PITPNC1: variants seen among roughly 807,000 people sequenced by gnomAD.
PITPNC1 encodes the protein cytoplasmic phosphatidylinositol transfer protein 1.
Under a neutral mutation model 44.7 loss-of-function variants are expected in PITPNC1, and 18 were observed. The ratio of observed to expected loss-of-function variants is 0.40; its 90% CI spans 0.28 to 0.60. The LOEUF (loss-of-function observed/expected upper bound fraction) is 0.60, where lower values mean the gene tolerates loss of function less well. Among genes scored for constraint, PITPNC1 ranks in the 20% least tolerant of loss-of-function variants. The pLI is 0.39. For synonymous variants in PITPNC1, 141 were observed against 149.6 expected (o/e 0.94, Z 0.42); for missense variants, 290 against 418.4 (o/e 0.69, Z 2.68).
intron 1 of PITPNC1, among the ~76,000 whole-genome samples, chr17:67,475,098 C>T (rs756980525): frequency 2.0e-5 from 3 of 152,288 alleles, no homozygotes; most frequent in African/African-American, 7.2e-5. Flanking sequence ...TTGGGAATAG[C>T]GGATGGTCCT....
intron 5 of PITPNC1, among the ~76,000 whole-genome samples, chr17:67,601,807 C>T (rs1439711799): frequency 6.6e-6 from 1 of 151,660 alleles, no homozygotes; most frequent in Non-Finnish European, 1.5e-5. Flanking sequence ...CCCCGGGAAG[C>T]CAGAAAGTGA....
At chr17:67,438,235 C>T (rs574078925) in intron 1 of PITPNC1, among the ~76,000 whole-genome samples, 17 of 152,236 alleles carry the variant, frequency 1.1e-4, no homozygotes, top group African/African-American at 2.4e-4. Context: ...ACCATCATTC[C>T]GCTGTGTGCC....
chr17:67,379,676 T>C (rs964729195), intron 1 of PITPNC1, among the ~76,000 whole-genome samples: 1 of 152,150 alleles, frequency 6.6e-6, no homozygotes, highest in African/African-American at 2.4e-5. Flanking sequence ...GACTGGTTAA[T>C]AGGAGTCTTT....
chr17:67,402,997 T>C (rs2038342546), intron 1 of PITPNC1, among the ~76,000 whole-genome samples: 1 of 152,138 alleles, frequency 6.6e-6, no homozygotes, highest in Non-Finnish European at 1.5e-5. Flanking sequence ...GCTTCTGTTA[T>C]ATCTGTATTA....
intron 1 of PITPNC1, among the ~76,000 whole-genome samples, chr17:67,429,557 G>C (rs1437641833): frequency 3.9e-5 from 6 of 152,120 alleles, no homozygotes; most frequent in Non-Finnish European, 8.8e-5. Flanking sequence ...AATTAGCTGG[G>C]CGTGGTGGCG....
chr17:67,523,325 G>A (rs1203795583), intron 1 of PITPNC1, among the ~76,000 whole-genome samples: 1 of 152,144 alleles, frequency 6.6e-6, no homozygotes, highest in African/African-American at 2.4e-5. Flanking sequence ...CAAGTATATG[G>A]CAGATGCCTC....
chr17:67,527,878 G>T (rs2040410848), intron 1 of PITPNC1, among the ~76,000 whole-genome samples: 1 of 152,140 alleles, frequency 6.6e-6, no homozygotes, highest in African/African-American at 2.4e-5. Flanking sequence ...GCACACTTCT[G>T]TAGTCCCAGC....
intron 4 of PITPNC1, among the ~76,000 whole-genome samples, chr17:67,560,956 TTTC>T (rs1346026954): frequency 6.6e-6 from 1 of 152,220 alleles, no homozygotes; most frequent in Non-Finnish European, 1.5e-5. Context: ...AAATTCTCCT[TTTC>T]TTCTTTTTTG....
At position 67,494,201 on chromosome 17, in the gene PITPNC1, C is replaced by CTTTCTT. The variant is rs1568012944; in HGVS notation, c.49-38599_49-38594dup. Among the ~76,000 whole-genome samples the CTTTCTT allele has an allele frequency of 2.8e-4, 41 of 145,800 alleles. 1 individual carries two copies. The highest frequency in any genetic ancestry group is 9.6e-4 in the African/African-American group (37 of 38,356). ...TTTCTTTCTTTTTCTTTCTTTCTTT[C>CTTTCTT]TTTCTTTCTTTCTTTTTGAGACGTA... On this transcript the variant is annotated intron_variant, in intron 1 of 8. Coordinates refer to ENST00000581322, the MANE Select transcript of PITPNC1 (RefSeq NM_012417.4).
At chr17:67,580,697 C>G (rs1284230276) in intron 5 of PITPNC1, among the ~76,000 whole-genome samples, 1 of 152,154 alleles carries the variant, frequency 6.6e-6, no homozygotes, top group Non-Finnish European at 1.5e-5. Flanking sequence ...CTTGCTTTCT[C>G]TCTTTTTCTC....
intron 1 of PITPNC1, among the ~76,000 whole-genome samples, chr17:67,470,664 G>T (rs1248889371): frequency 6.6e-6 from 1 of 152,072 alleles, no homozygotes; most frequent in Admixed American, 6.5e-5. Flanking sequence ...GGGAAGTGAG[G>T]AGCCCCTCTG....
intron 5 of PITPNC1, among the ~76,000 whole-genome samples, chr17:67,599,010 ATATATATATATATATATATATATATTTTT>A (rs2041497337): frequency 4.9e-5 from 1 of 20,480 alleles, no homozygotes; most frequent in Non-Finnish European, 1.4e-4. Flanking sequence ...ACATATATAT[ATATATATATATATATATATATATATTTTT>A]TTTTTTTTTT....
At chr17:67,596,706 C>T (rs1439159902) in intron 5 of PITPNC1, among the ~76,000 whole-genome samples, 6 of 152,040 alleles carry the variant, frequency 3.9e-5, no homozygotes, top group African/African-American at 1.2e-4. Flanking sequence ...TCGATTTGCT[C>T]ATGTTGTTCC....
At chr17:67,509,133 C>T (rs2040146105) in intron 1 of PITPNC1, among the ~76,000 whole-genome samples, 1 of 151,708 alleles carries the variant, frequency 6.6e-6, no homozygotes, top group Admixed American at 6.6e-5. Context: ...ACTCAGGAGC[C>T]TGAGGCAGGA....
intron 1 of PITPNC1, among the ~76,000 whole-genome samples, chr17:67,451,085 G>T (rs761366356): frequency 3.3e-5 from 5 of 152,174 alleles, no homozygotes; most frequent in Non-Finnish European, 7.3e-5. Flanking sequence ...AGGCTGGAGT[G>T]CAGTGGCACG....
rs2043010159 is a variant in PITPNC1 at position 67,696,283 on chromosome 17, G to A, written c.*3395G>A. 1 of 152,100 alleles carries A rather than the reference G, an allele frequency of 6.6e-6. No homozygotes were observed. 9.4% of individuals were successfully genotyped at this position (152,100 alleles called of 1,614,324 possible). A position where few individuals can be genotyped will look rare whatever the true frequency, so the allele number is the denominator to read the frequency against. ...AAGAGAATAGATTCTGATACATCTC[G>A]ATAAATCATTCTCTGCAAAAGTTTC... On this transcript the variant is annotated 3_prime_UTR_variant, in exon 9 of 9. Coordinates refer to ENST00000581322, the MANE Select transcript of PITPNC1 (RefSeq NM_012417.4).
chr17:67,543,359 G>A (rs1390846182), intron 2 of PITPNC1, among the ~76,000 whole-genome samples: 1 of 152,148 alleles, frequency 6.6e-6, no homozygotes, highest in East Asian at 1.9e-4. Context: ...CCAAGCCCTG[G>A]GCTACCAGTG....
At chr17:67,613,217 A>T (rs895153441) in intron 5 of PITPNC1, 3 of 152,170 alleles carry the variant, frequency 2.0e-5, no homozygotes, top group African/African-American at 4.8e-5. Flanking sequence ...GTAGGATAAC[A>T]CCCAAGTTTT....
chr17:67,693,098 A>G lies in PITPNC1; in HGVS notation c.*210A>G. The G allele has an allele frequency of 1.9e-6, 1 of 536,554 alleles. No individual in the cohort carries two copies. Among genetic ancestry groups the G allele is most frequent in the South Asian group, 2.7e-5 (1 of 36,414 alleles). The allele number at this position is 536,554 out of a possible 1,614,324, so 33.2% of individuals were successfully genotyped here. A position where few individuals can be genotyped will look rare whatever the true frequency, so the allele number is the denominator to read the frequency against. On this transcript the variant is annotated 3_prime_UTR_variant, in exon 9 of 9. Transcript: ENST00000581322. ...ATTAGATGTAAGATGTAAGACTTGC[A>G]AAGGACAGAAGGAATCTTCTGTAAC...
Sources: allele counts gnomAD v4.1 joint callset (sites outside exome capture counted in the v4.1 genomes callset), GRCh38; gene constraint gnomAD v4.1.1; transcripts MANE v1.5; gene names NCBI Gene and HGNC (gene_info 2026-07-23, HGNC 2026-07-21).